Variants in PRKD1 observed in about 807,000 individuals in gnomAD.
PRKD1 encodes serine/threonine-protein kinase D1.
In PRKD1, 63 loss-of-function variants were observed where a neutral mutation model predicts 95.9. The observed-to-expected ratio is 0.66, with a 90% CI of 0.54 to 0.81. PRKD1 has a LOEUF of 0.81. Ranked by LOEUF, PRKD1 falls within the 30% of genes least tolerant of loss-of-function variation. The probability of loss-of-function intolerance (pLI) is 0.00; values close to 1 mark genes in which losing one functional copy is unlikely to be tolerated. For synonymous variants in PRKD1, 425 were observed against 423.1 expected, an observed-to-expected ratio of 1.00 and a Z score of -0.05; for missense variants, 1,048 against 1,165.3, an observed-to-expected ratio of 0.90 and a Z score of 1.47.
At chr14:29,639,442 A>G (rs1203337482) in intron 4 of PRKD1, among the ~76,000 whole-genome samples, 1 of 152,120 alleles carries the variant, frequency 6.6e-6, no homozygotes, top group African/African-American at 2.4e-5. Flanking sequence ...TAACATGGTG[A>G]AACCCGTCTC....
intron 1 of PRKD1, among the ~76,000 whole-genome samples, chr14:29,840,716 T>C (rs989189488): frequency 6.6e-6 from 1 of 152,156 alleles, no homozygotes; most frequent in Non-Finnish European, 1.5e-5. Flanking sequence ...ACGTCTTACA[T>C]GGATGGCAGC....
intron 1 of PRKD1, among the ~76,000 whole-genome samples, chr14:29,790,007 C>CTT (rs34880091): frequency 0.027 from 2,639 of 97,184 alleles, 145 homozygotes; most frequent in African/African-American, 0.064. Flanking sequence ...AGCAAGTTGT[C>CTT]TTTTTTTTTT....
At chr14:29,805,647 C>T (rs971629085) in intron 1 of PRKD1, among the ~76,000 whole-genome samples, 1 of 152,166 alleles carries the variant, frequency 6.6e-6, no homozygotes, top group Non-Finnish European at 1.5e-5. Flanking sequence ...TAGAGTATTG[C>T]ATTTTTCAGA....
chr14:29,737,468 C>A (rs1886786070), intron 1 of PRKD1, among the ~76,000 whole-genome samples: 1 of 151,544 alleles, frequency 6.6e-6, no homozygotes, highest in East Asian at 1.9e-4. Flanking sequence ...AATATTGCAA[C>A]CTTCTCATTA....
At chr14:29,642,961 A>G (rs979903385) in intron 4 of PRKD1, among the ~76,000 whole-genome samples, 30 of 151,978 alleles carry the variant, frequency 2.0e-4, no homozygotes, top group African/African-American at 7.0e-4. Context: ...ATGCTTTGGA[A>G]AGTCTGTTTT....
At chr14:29,623,070 T>C (rs2139086835) in intron 13 of PRKD1, among the ~76,000 whole-genome samples, 1 of 152,316 alleles carries the variant, frequency 6.6e-6, no homozygotes, top group South Asian at 2.1e-4. Context: ...TTGTAACTGA[T>C]TAGCAGATAC....
intron 1 of PRKD1, among the ~76,000 whole-genome samples, chr14:29,745,374 A>T (rs1349819787): frequency 6.6e-6 from 1 of 152,220 alleles, no homozygotes; most frequent in Non-Finnish European, 1.5e-5. Context: ...GGTACACCGT[A>T]CATGCTCAGT....
intron 2 of PRKD1, among the ~76,000 whole-genome samples, chr14:29,700,577 C>A (rs933055157): frequency 6.6e-6 from 1 of 152,136 alleles, no homozygotes; most frequent in Admixed American, 6.6e-5. Flanking sequence ...GGCAAGAATG[C>A]TTTATGTTTG....
chr14:29,829,127 A>T (rs1891307280), intron 1 of PRKD1, among the ~76,000 whole-genome samples: 1 of 152,156 alleles, frequency 6.6e-6, no homozygotes, highest in Admixed American at 6.5e-5. Context: ...CACAAGCCAA[A>T]CATGTGAGTG....
chr14:29,896,587 A>G (rs565669473), intron 1 of PRKD1, among the ~76,000 whole-genome samples: 1 of 152,244 alleles, frequency 6.6e-6, no homozygotes, highest in South Asian at 2.1e-4. Context: ...GGCAAACACA[A>G]TTCAAAACAA....
At chr14:29,596,792 C>T (rs955011865) in intron 16 of PRKD1, among the ~76,000 whole-genome samples, 14 of 152,096 alleles carry the variant, frequency 9.2e-5, no homozygotes, top group African/African-American at 2.4e-4. Context: ...AACTCCTTTC[C>T]GAAGTACTGA....
intron 13 of PRKD1, among the ~76,000 whole-genome samples, chr14:29,609,527 CACACACACACAT>C (rs1191607311): frequency 1.3e-5 from 2 of 148,756 alleles, no homozygotes; most frequent in African/African-American, 5.0e-5. Flanking sequence ...CACACACACA[CACACACACACAT>C]ATATATATTT....
intron 1 of PRKD1, among the ~76,000 whole-genome samples, chr14:29,744,703 T>G (rs539223725): frequency 1.3e-5 from 2 of 152,270 alleles, no homozygotes; most frequent in African/African-American, 2.4e-5. Context: ...CCCGCCACCA[T>G]GCCCAGCTAA....
intron 2 of PRKD1, among the ~76,000 whole-genome samples, chr14:29,676,502 G>C (rs1398652044): frequency 6.6e-6 from 1 of 152,128 alleles, no homozygotes; most frequent in Non-Finnish European, 1.5e-5. Flanking sequence ...TTACAGGCAT[G>C]TGCCACCAAG....
At chr14:29,580,341 G>A (rs957118341) in intron 16 of PRKD1, among the ~76,000 whole-genome samples, 4 of 152,106 alleles carry the variant, frequency 2.6e-5, no homozygotes, top group Non-Finnish European at 4.4e-5. Flanking sequence ...GTCTGACTAC[G>A]CCACAGTACC....
intron 4 of PRKD1, among the ~76,000 whole-genome samples, chr14:29,639,830 A>G (rs1371010237): frequency 1.3e-5 from 2 of 152,144 alleles, no homozygotes; most frequent in South Asian, 4.1e-4. Context: ...ATGTAATTTT[A>G]TCTCTGTGTA....
At chr14:29,766,604 C>T (rs1013902933) in intron 1 of PRKD1, among the ~76,000 whole-genome samples, 5 of 152,200 alleles carry the variant, frequency 3.3e-5, no homozygotes, top group Non-Finnish European at 5.9e-5. Flanking sequence ...AGAAGCACTA[C>T]CTGTAATTTA....
At chr14:29,704,316 G>A (rs1365902966) in intron 2 of PRKD1, among the ~76,000 whole-genome samples, 1 of 152,056 alleles carries the variant, frequency 6.6e-6, no homozygotes, top group Non-Finnish European at 1.5e-5. Context: ...CCTATGGAAT[G>A]GTCTCTCATC....
chr14:29,743,691 C>T (rs761318523), intron 1 of PRKD1, among the ~76,000 whole-genome samples: 3 of 152,158 alleles, frequency 2.0e-5, no homozygotes, highest in Non-Finnish European at 4.4e-5. Context: ...CCTGCATGCA[C>T]GCTCCCTTGA....
Sources: allele counts gnomAD v4.1 joint callset (sites outside exome capture counted in the v4.1 genomes callset), GRCh38; gene constraint gnomAD v4.1.1; transcripts MANE v1.5; gene names NCBI Gene and HGNC (gene_info 2026-07-23, HGNC 2026-07-21).